NEK8: variants seen among roughly 807,000 people sequenced by gnomAD.
The protein encoded by NEK8 is serine/threonine-protein kinase Nek8.
Under a neutral mutation model 77.2 loss-of-function variants are expected in NEK8, and 51 were observed. The observed-to-expected ratio is 0.66, with a 90% CI of 0.53 to 0.83. NEK8 has a LOEUF of 0.83. Ranked by LOEUF, NEK8 falls within the 40% of genes least tolerant of loss-of-function variation. NEK8 has a pLI of 0.00. For missense variants in NEK8, 787 were observed against 909.2 expected, an observed-to-expected ratio of 0.87 and a Z score of 1.73; for synonymous variants, 365 against 363.2, an observed-to-expected ratio of 1.00 and a Z score of -0.06.
At chr17:28,738,270 G>A (rs757806007) in intron 8 of NEK8, 25 bp downstream of exon 8, 1 of 1,613,906 alleles carries the variant, frequency 6.2e-7, no homozygotes, top group Non-Finnish European at 8.5e-7. Context: ...CTACCTTGTG[G>A]GACCTGCTCT....
Position 28,737,550 on chromosome 17 carries a change from G to C in NEK8, c.827+36G>C. ...GGACAGCGAGCGGTCCTGGGCGGCA[G>C]GGTGTGGGCACCCAGTGGGAGCACA... On this transcript the variant is annotated intron_variant, in intron 5 of 14. Coordinates refer to ENST00000268766, the MANE Select transcript of NEK8 (RefSeq NM_178170.3). The surrounding 1 kb of genome is among the most constrained non-coding windows in gnomAD (Gnocchi z 4.8). 1.2e-6 allele frequency: 2 copies of C among 1,612,792 alleles called. No homozygotes were observed. Among genetic ancestry groups the C allele is most frequent in the Non-Finnish European group, 1.7e-6 (2 of 1,179,488 alleles).
At position 28,742,516 on chromosome 17, in the gene NEK8, C is replaced by T. The variant is rs2034434754; in HGVS notation, c.*529C>T. 6.1e-6 allele frequency: 1 copy of T among 164,980 alleles called. No homozygotes were observed. The highest frequency in any genetic ancestry group is 5.8e-5 in the Admixed American group (1 of 17,370). 10.2% of individuals were successfully genotyped at this position (164,980 alleles called of 1,614,324 possible). On this transcript the variant is annotated 3_prime_UTR_variant, in exon 15 of 15. Coordinates refer to ENST00000268766, the MANE Select transcript of NEK8 (RefSeq NM_178170.3). Reference sequence around the variant, plus strand: ...GGCTGAGGCAGGAGAATGGCGTAAACCCCTCCAGCCTGGGCGACAGAACCA... The same window carrying T: ...GGCTGAGGCAGGAGAATGGCGTAAATCCCTCCAGCCTGGGCGACAGAACCA...
Position 28,738,170 on chromosome 17 carries a change from C to A in NEK8, c.1147C>A (p.Arg383Ser), listed in dbSNP as rs780241960. The A allele has an allele frequency of 2.5e-6, 4 of 1,614,016 alleles. No homozygotes were observed. Among genetic ancestry groups the A allele is most frequent in the South Asian group, 1.1e-5 (1 of 91,088 alleles). The change falls in exon 8 of 15, where the codon CGT becomes AGT. Residue 383 changes from arginine (R) to serine (S), a missense_variant. This residue lies in a region of NEK8 where 516 missense variants were observed against 544.0 expected (regional missense o/e 0.95). Coordinates refer to ENST00000268766, the MANE Select transcript of NEK8 (RefSeq NM_178170.3). ...VEQPQPQFISRFLEGQSGVTI... is the reference protein window; with the variant it reads ...VEQPQPQFISSFLEGQSGVTI... The stretch of plus-strand genomic sequence containing the variant: ...GCAGCCACAGCCCCAGTTCATCTCG[C>A]GTTTCCTGGAGGGCCAGTCGGGTGT...
At chr17:28,732,877 T>C (rs1373820921) in intron 1 of NEK8, 1 of 151,324 alleles carries the variant, frequency 6.6e-6, no homozygotes, top group Admixed American at 6.6e-5. Flanking sequence ...GTGTCTGTTT[T>C]TTTGTTGTTT....
At chr17:28,729,702 C>T (rs2034288484) in intron 1 of NEK8, among the ~76,000 whole-genome samples, 1 of 152,064 alleles carries the variant, frequency 6.6e-6, no homozygotes, top group Non-Finnish European at 1.5e-5. Context: ...GCCACCATGC[C>T]CAGCTAATAT....
At chr17:28,733,933 T>C (rs758269662) in intron 1 of NEK8, 50 bp from the exon 2 acceptor site, 2 of 1,539,966 alleles carry the variant, frequency 1.3e-6, no homozygotes, top group South Asian at 2.2e-5. Flanking sequence ...CTGCCTGATA[T>C]GTGGCTGGAG....
At position 28,728,828 on chromosome 17, in the gene NEK8, G is replaced by C. The variant is rs1323722720; in HGVS notation, c.15G>C (p.Glu5Asp). ...TAAGAAATGAGATGGAGAAGTACGA[G>C]CGGATCCGAGTGGTGGGGAGAGGTG... Reference protein sequence around the residue: MEKYERIRVVGRGAF... With the variant: MEKYDRIRVVGRGAF... The change falls in exon 1 of 15, where the codon GAG becomes GAC. Residue 5 changes from glutamate (E) to aspartate (D), a missense_variant. This residue lies in a region of NEK8 where 271 missense variants were observed against 365.1 expected (regional missense o/e 0.74). Coordinates refer to ENST00000268766, the MANE Select transcript of NEK8 (RefSeq NM_178170.3). The C allele has an allele frequency of 1.3e-6, 2 of 1,551,554 alleles. No homozygotes were observed. Among genetic ancestry groups the C allele is most frequent in the African/African-American group, 1.4e-5 (1 of 73,080 alleles).
In NEK8 at chr17:28,730,277, A is replaced by ATT. The variant is rs36102062; in HGVS notation, c.47+1444_47+1445dup. On this transcript the variant is annotated intron_variant, in intron 1 of 14. Transcript: ENST00000268766. ...AGGCACACGCCACAACAACCGGCTAATTTTTTTTTTTTTTTTTTTTTTTTT... is the reference window on the plus strand; with the variant it reads ...AGGCACACGCCACAACAACCGGCTAATTTTTTTTTTTTTTTTTTTTTTTTTTT... 6.1e-3 allele frequency among the ~76,000 whole-genome samples: 549 copies of ATT among 89,288 alleles called. 33 individuals are homozygous for ATT. Among genetic ancestry groups the ATT allele is most frequent in the African/African-American group, 0.017 (316 of 18,964 alleles). The allele number at this position is 89,288 out of a possible 152,430, so 58.6% of individuals were successfully genotyped here.
intron 4 of NEK8, among the ~76,000 whole-genome samples, chr17:28,736,239 G>T (rs1350193595): frequency 6.6e-6 from 1 of 152,134 alleles, no homozygotes. Flanking sequence ...AAACATACGT[G>T]TGCATGTGTC....
chr17:28,734,500 C>T, intron 2 of NEK8: 2 of 562,742 alleles, frequency 3.6e-6, no homozygotes, highest in South Asian at 2.1e-5. Flanking sequence ...ACGGGGAAAC[C>T]CCGTCTCTAC....
At chr17:28,730,085 G>A (rs564352870) in intron 1 of NEK8, among the ~76,000 whole-genome samples, 53 of 152,112 alleles carry the variant, frequency 3.5e-4, no homozygotes, top group Non-Finnish European at 1.2e-4. Flanking sequence ...GAGATAAAAG[G>A]TTCATTTGCC....
In NEK8 at chr17:28,740,519, C is replaced by T; in HGVS notation, c.1474C>T (p.Pro492Ser). The change falls in exon 11 of 15, where the codon CCC (proline) becomes TCC (serine). Residue 492 changes from proline to serine, a missense_variant. By Grantham distance (74) the Pro-to-Ser change is moderately conservative (BLOSUM62 -1). Around this residue, in one of 2 missense-constraint regions of NEK8, gnomAD observed 516 missense variants for 544.0 expected, o/e 0.95. Transcript: ENST00000268766. This position sits in a 1 kb window ranked among gnomAD's most constrained non-coding sequence, Gnocchi z 4.7. Reference sequence around the variant, plus strand: ...CAGCTGCCCCCAGCAGGTGCCCATGCCCCCAGGACAGGAAGCTCAGCGAGT... The same window carrying T: ...CAGCTGCCCCCAGCAGGTGCCCATGTCCCCAGGACAGGAAGCTCAGCGAGT... ...SHSCPQQVPM[P>S]PGQEAQRVVC... 1 of 1,614,006 alleles carries T rather than the reference C, an allele frequency of 6.2e-7. No individual in the cohort carries two copies. The highest frequency in any genetic ancestry group is 8.5e-7 in the Non-Finnish European group (1 of 1,179,864).
Position 28,737,131 on chromosome 17 carries a change from T to A in NEK8, c.619-175T>A, listed in dbSNP as rs923795956. On this transcript the variant is annotated intron_variant, in intron 4 of 14. Coordinates refer to ENST00000268766, the MANE Select transcript of NEK8 (RefSeq NM_178170.3). This position sits in a 1 kb window ranked among gnomAD's most constrained non-coding sequence, Gnocchi z 4.8. ...CTCTGTTCTGTTCCATTGGTCTATA[T>A]CTCTGTTTTGGTACCAGTACCATGC... is the stretch of plus-strand genomic sequence containing the variant. 1.3e-5 allele frequency among the ~76,000 whole-genome samples: 2 copies of A among 152,222 alleles called. No homozygotes were observed. The highest frequency in any genetic ancestry group is 1.3e-4 in the Admixed American group (2 of 15,288).
At chr17:28,729,602 G>A (rs1246299389) in intron 1 of NEK8, among the ~76,000 whole-genome samples, 1 of 147,164 alleles carries the variant, frequency 6.8e-6, no homozygotes, top group African/African-American at 2.5e-5. Flanking sequence ...GAGTGCAGTG[G>A]CACTATCTCA....
chr17:28,734,786 G>A lies in NEK8; in HGVS notation c.268G>A (p.Glu90Lys), dbSNP rs1407451287. ...TTGGGCCACAGGCGGCACTCTGGCT[G>A]AGTTCATCCAAAAGCGCTGTAATTC... ...MEYAPGGTLA[E>K]FIQKRCNSLL... The change falls in exon 3 of 15, where the codon GAG (glutamate) becomes AAG (lysine). Residue 90 changes from glutamate to lysine, a missense_variant. By Grantham distance (56) the Glu-to-Lys change is moderately conservative (BLOSUM62 1). This residue lies in a region of NEK8 where 271 missense variants were observed against 365.1 expected (regional missense o/e 0.74). Transcript: ENST00000268766. The A allele has an allele frequency of 1.2e-6, 2 of 1,613,618 alleles. No homozygotes were observed. Among genetic ancestry groups the A allele is most frequent in the East Asian group, 2.2e-5 (1 of 44,880 alleles).
At chr17:28,730,691 C>T (rs1317951953) in intron 1 of NEK8, among the ~76,000 whole-genome samples, 1 of 150,916 alleles carries the variant, frequency 6.6e-6, no homozygotes, top group Non-Finnish European at 1.5e-5. Context: ...CCGAGATGGG[C>T]AATTGCTTGA....
intron 2 of NEK8, 69 bp from the exon 3 acceptor site, chr17:28,734,703 A>G: frequency 4.4e-6 from 5 of 1,133,980 alleles, no homozygotes; most frequent in Non-Finnish European, 6.6e-6. Flanking sequence ...AAAAAACAAC[A>G]ACAACAATGG....
intron 1 of NEK8, among the ~76,000 whole-genome samples, chr17:28,731,683 A>G (rs1342182590): frequency 2.0e-5 from 3 of 150,062 alleles, no homozygotes; most frequent in African/African-American, 7.4e-5. Flanking sequence ...GGCTCATTGC[A>G]AGCTCCGCCT....
At chr17:28,733,575 C>A (rs1008675558) in intron 1 of NEK8, among the ~76,000 whole-genome samples, 7 of 152,152 alleles carry the variant, frequency 4.6e-5, no homozygotes, top group Non-Finnish European at 2.9e-5. Flanking sequence ...ATTCATTGAG[C>A]GTTTTCTTTG....
Sources: allele counts gnomAD v4.1 joint callset (sites outside exome capture counted in the v4.1 genomes callset), GRCh38; gene constraint gnomAD v4.1.1; regional missense constraint gnomAD v4.1.1; non-coding constraint Gnocchi (gnomAD v3.1); transcripts MANE v1.5; gene names NCBI Gene and HGNC (gene_info 2026-07-23, HGNC 2026-07-21).